CACNA1C: variants seen among roughly 807,000 people sequenced by gnomAD.
CACNA1C encodes the protein voltage-dependent L-type calcium channel subunit alpha-1C.
Under a neutral mutation model 229.0 loss-of-function variants are expected in CACNA1C, and 30 were observed. That is an observed-to-expected ratio of 0.13 (90% CI 0.10 to 0.18). CACNA1C has a LOEUF of 0.18. CACNA1C is among the 10% of genes least tolerant of loss of function. CACNA1C has a pLI of 1.00. For missense variants in CACNA1C, 1,658 were observed against 2,845.0 expected (o/e 0.58, Z 9.49); for synonymous variants, 1,114 against 1,132.5 (o/e 0.98, Z 0.33).
intron 3 of CACNA1C, among the ~76,000 whole-genome samples, chr12:2,243,521 A>G (rs773824882): frequency 1.3e-5 from 2 of 152,220 alleles, no homozygotes; most frequent in Non-Finnish European, 1.5e-5. Context: ...TCACCATCCA[A>G]GAAGACCACA....
At chr12:2,088,385 G>T (rs771802719) in intron 1 of CACNA1C, among the ~76,000 whole-genome samples, 2 of 152,184 alleles carry the variant, frequency 1.3e-5, no homozygotes, top group Non-Finnish European at 2.9e-5. Context: ...TCTAGAGGCC[G>T]TGAACACGGT....
chr12:2,488,638 G>A lies in CACNA1C; in HGVS notation c.916+2376G>A, dbSNP rs139385616. Among the ~76,000 whole-genome samples the A allele has an allele frequency of 3.6e-4, 55 of 152,332 alleles. No homozygotes were observed. In the East Asian group the frequency reaches 9.6e-3, roughly 27 times the overall value. On this transcript the variant is annotated intron_variant, in intron 6 of 46. Transcript: ENST00000399655. The surrounding 1 kb of genome is among the most constrained non-coding windows in gnomAD (Gnocchi z 4.0). Reference sequence around the variant, plus strand: ...TATCTTTGCCTGCAAGTTCAGAAGAGAAGTAGGCTCCCATCACAGAAATGG... The same window carrying A: ...TATCTTTGCCTGCAAGTTCAGAAGAAAAGTAGGCTCCCATCACAGAAATGG...
chr12:2,173,798 T>G (rs2096565719), intron 3 of CACNA1C, among the ~76,000 whole-genome samples: 1 of 152,072 alleles, frequency 6.6e-6, no homozygotes, highest in Non-Finnish European at 1.5e-5. Context: ...CTAACTATAG[T>G]ACCTACTACT....
At chr12:2,593,151 T>C in intron 18 of CACNA1C, 62 bp from the exon 19 acceptor site, 1 of 1,572,312 alleles carries the variant, frequency 6.4e-7, no homozygotes, top group Non-Finnish European at 8.7e-7. Flanking sequence ...GGAAGGTCTC[T>C]GAAAGTGGTA....
chr12:2,442,743 G>A (rs2099241322), intron 3 of CACNA1C, among the ~76,000 whole-genome samples: 1 of 152,246 alleles, frequency 6.6e-6, no homozygotes, highest in Admixed American at 6.5e-5. Flanking sequence ...TCCAATCATG[G>A]CAGAAGGCAA....
At position 2,649,355 on chromosome 12, in the gene CACNA1C, C is replaced by T. The variant is rs559801194; in HGVS notation, c.3945+848C>T. Among the ~76,000 whole-genome samples, 25 of 152,300 alleles carry T rather than the reference C, an allele frequency of 1.6e-4. No individual in the cohort carries two copies. Among genetic ancestry groups the T allele is most frequent in the African/African-American group, 5.5e-4 (23 of 41,562 alleles). On this transcript the variant is annotated intron_variant, in intron 31 of 46. Transcript: ENST00000399655. This position sits in a 1 kb window ranked among gnomAD's most constrained non-coding sequence, Gnocchi z 4.4. Reference sequence around the variant, plus strand: ...GACCAGTGGGGTTGATTGACCAAGCCACCAAGTCTGCAGGCCGAGGCAAGC... The same window carrying T: ...GACCAGTGGGGTTGATTGACCAAGCTACCAAGTCTGCAGGCCGAGGCAAGC...
chr12:2,462,229 A>G (rs2099511632), intron 5 of CACNA1C, among the ~76,000 whole-genome samples: 1 of 150,348 alleles, frequency 6.7e-6, no homozygotes, highest in Non-Finnish European at 1.5e-5. Context: ...AGGCCTGCGC[A>G]CCTCCTTGGC....
intron 1 of CACNA1C, among the ~76,000 whole-genome samples, chr12:2,068,348 G>GGAGGGTT (rs1219247937): frequency 6.6e-6 from 1 of 152,222 alleles, no homozygotes; most frequent in African/African-American, 2.4e-5. Context: ...CTGGTGTGGG[G>GGAGGGTT]GAGGGTTGTG....
chr12:2,502,797 G>A (rs2099763645), intron 7 of CACNA1C, among the ~76,000 whole-genome samples: 3 of 152,176 alleles, frequency 2.0e-5, no homozygotes, highest in Non-Finnish European at 4.4e-5. Context: ...AAGCTGCAAA[G>A]CCCAAGGGCT....
intron 1 of CACNA1C, among the ~76,000 whole-genome samples, chr12:2,033,026 G>T (rs1285135088): frequency 6.6e-6 from 1 of 152,190 alleles, no homozygotes; most frequent in Non-Finnish European, 1.5e-5. Flanking sequence ...TGAAGGTAGG[G>T]GGTGGTGGAG....
chr12:2,010,093 G>A (rs1593612605), intron 1 of CACNA1C, among the ~76,000 whole-genome samples: 1 of 152,246 alleles, frequency 6.6e-6, no homozygotes, highest in East Asian at 1.9e-4. Context: ...AAGCCCAGAA[G>A]CGATACTTTT....
chr12:2,397,559 A>G (rs1402885222), intron 3 of CACNA1C, among the ~76,000 whole-genome samples: 2 of 152,230 alleles, frequency 1.3e-5, no homozygotes, highest in Non-Finnish European at 2.9e-5. Context: ...ACCAGTCCAG[A>G]GTCCACGGCT....
chr12:2,353,768 G>T (rs1033898643), intron 3 of CACNA1C, among the ~76,000 whole-genome samples: 6 of 152,168 alleles, frequency 3.9e-5, no homozygotes, highest in African/African-American at 1.4e-4. Context: ...GCAGGCCCAG[G>T]GCTGAGATGG....
chr12:2,010,217 G>C lies in CACNA1C; in HGVS notation c.139+39016G>C, dbSNP rs111544722. On this transcript the variant is annotated intron_variant, in intron 1 of 46. Transcript: ENST00000682462. ...TATTTTTATACGCTAAAGGATGCAA[G>C]TTAAAACATATTTATCAGAAACTTC... is the stretch of plus-strand genomic sequence containing the variant. Among the ~76,000 whole-genome samples the C allele has an allele frequency of 4.2e-4, 64 of 152,340 alleles. 1 individual carries two copies. The highest frequency in any genetic ancestry group is 1.5e-3 in the African/African-American group (64 of 41,580).
chr12:2,410,367 T>A lies in CACNA1C; in HGVS notation c.478-38609T>A. Among the ~76,000 whole-genome samples the A allele has an allele frequency of 6.6e-6, 1 of 152,164 alleles. No individual in the cohort carries two copies. ...GGCCCTTCGTGTCCCACCACCTCCCTTCTCTCTGGAATCACTGTGGCTCTG... is the reference window on the plus strand; with the variant it reads ...GGCCCTTCGTGTCCCACCACCTCCCATCTCTCTGGAATCACTGTGGCTCTG... On this transcript the variant is annotated intron_variant, in intron 3 of 46. Transcript: ENST00000399655. This position sits in a 1 kb window ranked among gnomAD's most constrained non-coding sequence, Gnocchi z 5.3.
chr12:2,618,615 G>T (rs528771599), intron 29 of CACNA1C, among the ~76,000 whole-genome samples: 2 of 152,372 alleles, frequency 1.3e-5, no homozygotes, highest in East Asian at 3.9e-4. Context: ...GAGGGGCCAG[G>T]GGAACCCTGC....
intron 3 of CACNA1C, among the ~76,000 whole-genome samples, chr12:2,124,780 T>C (rs2089265897): frequency 6.6e-6 from 1 of 152,084 alleles, no homozygotes; most frequent in South Asian, 2.1e-4. Context: ...CCAGGTGCCC[T>C]TGGCCAGGAG....
chr12:2,567,589 C>G lies in CACNA1C; in HGVS notation c.1690C>G (p.Leu564Val). The G allele has an allele frequency of 6.3e-7, 1 of 1,594,026 alleles. No homozygotes were observed. Among genetic ancestry groups the G allele is most frequent in the Non-Finnish European group, 8.5e-7 (1 of 1,169,910 alleles). The change falls in exon 13 of 47, where the codon CTG (leucine) becomes GTG (valine). Residue 564 changes from leucine (L) to valine (V), a missense_variant. Around this residue, in one of 20 missense-constraint regions of CACNA1C, gnomAD observed 149 missense variants for 194.2 expected, o/e 0.77. Transcript: ENST00000399655. ...GCCAGACACGGCAAACAAGGCCCTG[C>G]TGGCCCTGTTCACGGCAGAGATGCT... ...EVQDTANKAL[L>V]ALFTAEMLLK...
Position 2,634,412 on chromosome 12 carries a change from G to A in CACNA1C, c.3912+32G>A, listed in dbSNP as rs190755140. The A allele has an allele frequency of 2.7e-4, 323 of 1,205,460 alleles. 1 individual carries two copies. The highest frequency in any genetic ancestry group is 3.4e-4 in the Non-Finnish European group (289 of 841,820). The allele number at this position is 1,205,460 out of a possible 1,614,324, so 74.7% of individuals were successfully genotyped here. Reference sequence around the variant, plus strand: ...ACATGGCGTCTGTCCCTAACCGTCCGTGCCTGCTCTAACACTCATTTGCCT... The same window carrying A: ...ACATGGCGTCTGTCCCTAACCGTCCATGCCTGCTCTAACACTCATTTGCCT... On this transcript the variant is annotated intron_variant, in intron 30 of 46. Coordinates refer to ENST00000399655, the MANE Select transcript of CACNA1C (RefSeq NM_000719.7).
Sources: gnomAD v4.1 joint callset for allele counts (sites outside exome capture counted in the v4.1 genomes callset) on GRCh38, gnomAD v4.1.1 for gene constraint, gnomAD v4.1.1 regional missense constraint, Gnocchi (gnomAD v3.1) non-coding constraint, MANE v1.5 for transcripts, NCBI Gene and HGNC (gene_info 2026-07-23, HGNC 2026-07-21) for gene names.